Variants in DGKH observed in about 807,000 individuals in gnomAD.
The protein encoded by DGKH is DAG kinase eta.
In DGKH, 90 loss-of-function variants were observed where a neutral mutation model predicts 159.3. The ratio of observed to expected loss-of-function variants is 0.57; its 90% confidence interval spans 0.48 to 0.67. DGKH has a LOEUF of 0.67. Ranked by LOEUF, DGKH falls within the 30% of genes least tolerant of loss-of-function variation. The pLI, the probability that DGKH is intolerant of heterozygous loss-of-function variation, is 0.00. For missense variants in DGKH, 1,181 were observed against 1,506.1 expected (o/e 0.78, Z 3.57); for synonymous variants, 536 against 553.8 (o/e 0.97, Z 0.45).
intron 3 of DGKH, among the ~76,000 whole-genome samples, chr13:42,151,578 T>TACACACAC (rs60281789): frequency 4.5e-4 from 42 of 93,848 alleles, no homozygotes; most frequent in African/African-American, 6.3e-4. Flanking sequence ...CTTATATGTA[T>TACACACAC]ACACACACAC....
chr13:42,149,967 T>A (rs147134558), intron 3 of DGKH, among the ~76,000 whole-genome samples: 1 of 152,342 alleles, frequency 6.6e-6, no homozygotes, highest in East Asian at 1.9e-4. Flanking sequence ...GTGGCTTGCG[T>A]GTCAGTTTTG....
chr13:42,244,384 C>T (rs998080196), downstream of DGKH, among the ~76,000 whole-genome samples: 4 of 152,224 alleles, frequency 2.6e-5, no homozygotes, highest in Non-Finnish European at 5.9e-5. Flanking sequence ...ATGAAGCCAC[C>T]TGCCTCTGCC....
rs1958426802 is a variant in DGKH at position 42,236,965 on chromosome 13, AG to A, written c.*7780del. 1 of 152,194 alleles carries A rather than the reference AG, an allele frequency of 6.6e-6. No homozygotes were observed. Among genetic ancestry groups the A allele is most frequent in the Non-Finnish European group, 1.5e-5 (1 of 68,018 alleles). The allele number at this position is 152,194 out of a possible 1,614,324, so 9.4% of individuals were successfully genotyped here. A position where few individuals can be genotyped will look rare whatever the true frequency, so the allele number is the denominator to read the frequency against. On this transcript the variant is annotated 3_prime_UTR_variant, in exon 30 of 30. Transcript: ENST00000337343. ...CACATATCTAGCAGTTCTAGGTTCC[AG>A]GGTGGATATTTTTAACATATGTTTG...
At chr13:42,066,776 C>T (rs1336696341) in intron 1 of DGKH, 1 of 152,094 alleles carries the variant, frequency 6.6e-6, no homozygotes, top group East Asian at 1.9e-4. Flanking sequence ...TTTACAGCGG[C>T]CCCCTGTGCG....
At chr13:42,226,314 G>A (rs1958131198) in intron 29 of DGKH, among the ~76,000 whole-genome samples, 1 of 152,200 alleles carries the variant, frequency 6.6e-6, no homozygotes, top group Admixed American at 6.5e-5. Flanking sequence ...TGGTGAGGCT[G>A]TGGAGAAATA....
chr13:42,246,299 C>T (rs543175998), downstream of DGKH, among the ~76,000 whole-genome samples: 6 of 152,208 alleles, frequency 3.9e-5, no homozygotes, highest in South Asian at 1.2e-3. Flanking sequence ...TGAGAGACTA[C>T]AAGGCTGGGC....
intron 3 of DGKH, among the ~76,000 whole-genome samples, chr13:42,135,489 C>CACAAAAAAAAAAAAAAAAAA (rs1223953901): frequency 0.016 from 794 of 50,730 alleles, 35 homozygotes; most frequent in Non-Finnish European, 0.026. Flanking sequence ...GACCCTGTCT[C>CACAAAAAAAAAAAAAAAAAA]AGAAAAAAAA....
At chr13:42,186,722 A>G (rs1243478977) in intron 13 of DGKH, among the ~76,000 whole-genome samples, 1 of 152,220 alleles carries the variant, frequency 6.6e-6, no homozygotes, top group Non-Finnish European at 1.5e-5. Flanking sequence ...GTAAGTTTAG[A>G]ATTTCAGTGG....
At chr13:42,053,337 TACTA>T (rs1003640994) in intron 1 of DGKH, among the ~76,000 whole-genome samples, 33 of 148,742 alleles carry the variant, frequency 2.2e-4, no homozygotes, top group African/African-American at 7.8e-4. Context: ...AAAAAAATCT[TACTA>T]CTACTACTAA....
chr13:42,056,735 T>G (rs982944004), intron 1 of DGKH, among the ~76,000 whole-genome samples: 8 of 152,208 alleles, frequency 5.3e-5, no homozygotes, highest in Non-Finnish European at 1.0e-4. Context: ...GCAGTGAAAC[T>G]TTAATCTACA....
intron 1 of DGKH, chr13:42,070,844 G>T: frequency 1.5e-6 from 2 of 1,322,040 alleles, no homozygotes; most frequent in South Asian, 1.2e-5. Context: ...CTGGGACCAG[G>T]AATTTCAAAC....
intron 1 of DGKH, among the ~76,000 whole-genome samples, chr13:42,040,460 G>C (rs1285353876): frequency 1.3e-5 from 2 of 151,900 alleles, no homozygotes; most frequent in Admixed American, 6.5e-5. Context: ...GCCTGACAGG[G>C]GGGTCACGTG....
chr13:42,064,365 A>G (rs1217286653), intron 1 of DGKH, among the ~76,000 whole-genome samples: 1 of 152,178 alleles, frequency 6.6e-6, no homozygotes, highest in Non-Finnish European at 1.5e-5. Context: ...GGCACACCTG[A>G]GCCGGGTGAC....
chr13:42,076,008 T>G (rs909660711), intron 1 of DGKH, among the ~76,000 whole-genome samples: 1 of 152,240 alleles, frequency 6.6e-6, no homozygotes, highest in African/African-American at 2.4e-5. Context: ...ACTTTCAATG[T>G]GATTCTACTT....
At position 42,232,790 on chromosome 13, in the gene DGKH, A is replaced by C. The variant is rs1489883810; in HGVS notation, c.*3602A>C. The C allele has an allele frequency of 6.6e-6, 1 of 152,206 alleles. No individual in the cohort carries two copies. The highest frequency in any genetic ancestry group is 1.5e-5 in the Non-Finnish European group (1 of 68,032). The allele number at this position is 152,206 out of a possible 1,614,324, so 9.4% of individuals were successfully genotyped here. ...AAATGACCCATGAATGTCTAGATCT[A>C]TCCTGTCCAATATTGTAGCTACATG... is the stretch of plus-strand genomic sequence containing the variant. On this transcript the variant is annotated 3_prime_UTR_variant, in exon 30 of 30. Coordinates refer to ENST00000337343, the MANE Select transcript of DGKH (RefSeq NM_178009.5).
chr13:42,177,762 A>G (rs190369388), intron 12 of DGKH, among the ~76,000 whole-genome samples: 1 of 152,008 alleles, frequency 6.6e-6, no homozygotes, highest in Admixed American at 6.6e-5. Flanking sequence ...ATATGTTTTC[A>G]TCGGTTTATG....
intron 3 of DGKH, among the ~76,000 whole-genome samples, chr13:42,139,037 G>A (rs1001620676): frequency 6.6e-6 from 1 of 152,216 alleles, no homozygotes; most frequent in African/African-American, 2.4e-5. Context: ...TTCTGTGGGT[G>A]TTTCATATTT....
chr13:42,129,265 G>A (rs1042255097), intron 2 of DGKH, among the ~76,000 whole-genome samples: 4 of 152,202 alleles, frequency 2.6e-5, no homozygotes, highest in Non-Finnish European at 4.4e-5. Flanking sequence ...CACGCACTCA[G>A]CAGGTTCCCC....
intron 20 of DGKH, among the ~76,000 whole-genome samples, chr13:42,203,987 CTA>C (rs1957402761): frequency 1.3e-5 from 2 of 151,910 alleles, no homozygotes; most frequent in East Asian, 1.9e-4. Flanking sequence ...CGTATTTTTC[CTA>C]TGAGACTCTA....
Sources: allele counts gnomAD v4.1 joint callset (sites outside exome capture counted in the v4.1 genomes callset), GRCh38; gene constraint gnomAD v4.1.1; transcripts MANE v1.5; gene names NCBI Gene and HGNC (gene_info 2026-07-23, HGNC 2026-07-21).